The following C5orf22 variants were observed in gnomAD, a reference collection of about 807,000 sequenced individuals.
C5orf22 encodes chromosome 5 open reading frame 22.
A neutral mutation model predicts 48.7 loss-of-function variants in C5orf22; 36 were observed. That is an observed-to-expected ratio of 0.74 (90% CI 0.57 to 0.98). The LOEUF is 0.98. C5orf22 is among the 50% of genes least tolerant of loss of function. The probability of loss-of-function intolerance (pLI) is 0.00; values close to 1 mark genes in which losing one functional copy is unlikely to be tolerated. For synonymous variants in C5orf22, 141 were observed against 180.8 expected (o/e 0.78, Z 1.76); for missense variants, 486 against 521.9 (o/e 0.93, Z 0.67).
intron 8 of C5orf22, among the ~76,000 whole-genome samples, chr5:31,552,191 A>T (rs574678434): frequency 1.3e-5 from 2 of 152,282 alleles, no homozygotes; most frequent in East Asian, 3.9e-4. Context: ...CAAAATACAG[A>T]TATCTGCCCC....
intron 7 of C5orf22, among the ~76,000 whole-genome samples, chr5:31,548,299 TC>T (rs1447619170): frequency 2.7e-5 from 4 of 148,192 alleles, no homozygotes; most frequent in African/African-American, 9.9e-5. Flanking sequence ...AGACTCCATT[TC>T]AAAAAAAAAA....
rs898266491 is a variant in C5orf22, at chr5:31,553,355, A to T, written c.*453A>T. On this transcript the variant is annotated 3_prime_UTR_variant, in exon 9 of 9. Transcript: ENST00000325366. ...GCCCTTTTAGGGGAGACAGATGAGA[A>T]GTAAATTACGGGTTATGAGAAATGT... The T allele has an allele frequency of 6.5e-6, 1 of 153,898 alleles. No homozygotes were observed. Among genetic ancestry groups the T allele is most frequent in the Non-Finnish European group, 1.4e-5 (1 of 69,214 alleles). The allele number at this position is 153,898 out of a possible 1,614,324, so 9.5% of individuals were successfully genotyped here. A position where few individuals can be genotyped will look rare whatever the true frequency, so the allele number is the denominator to read the frequency against.
In C5orf22 at chr5:31,551,306, G is replaced by A; in HGVS notation, c.1073G>A (p.Gly358Asp). 1 of 1,613,450 alleles carries A rather than the reference G, an allele frequency of 6.2e-7. No individual in the cohort carries two copies. The highest frequency in any genetic ancestry group is 8.5e-7 in the Non-Finnish European group (1 of 1,179,798). ...TCTTATTTTCAGGTTCACCAGGCTGGTTTAACCTGCGATTATTCAGAACTT... is the reference window on the plus strand; with the variant it reads ...TCTTATTTTCAGGTTCACCAGGCTGATTTAACCTGCGATTATTCAGAACTT... ...VPDYEMVHQA[G>D]LTCDYSELPH... The change falls in exon 8 of 9, where the codon GGT (glycine) becomes GAT (aspartate). Residue 358 changes from glycine (G) to aspartate (D), a missense_variant. This residue lies in a region of C5orf22 where 408 missense variants were observed against 444.0 expected (regional missense o/e 0.92). Coordinates refer to ENST00000325366, the MANE Select transcript of C5orf22 (RefSeq NM_018356.3).
At chr5:31,532,496 C>G in intron 1 of C5orf22, 23 bp downstream of exon 1, 1 of 1,601,780 alleles carries the variant, frequency 6.2e-7, no homozygotes, top group South Asian at 1.1e-5. Context: ...CAACAGGGCT[C>G]TGGGGCAGAA....
At chr5:31,547,314 G>A (rs1275937214) in intron 7 of C5orf22, among the ~76,000 whole-genome samples, 1 of 152,258 alleles carries the variant, frequency 6.6e-6, no homozygotes, top group African/African-American at 2.4e-5. Flanking sequence ...TCATGAGCTG[G>A]TGTTGAGTGT....
rs1450553596 is a variant in C5orf22 at position 31,553,163 on chromosome 5, TTG to T, written c.*263_*264del. The stretch of plus-strand genomic sequence containing the variant: ...ATTTTTTAGGGTTTTGTTTTTTTTT[TTG>T]TTTGTTTGTTTGTTTGTCTTCACTT... On this transcript the variant is annotated 3_prime_UTR_variant, in exon 9 of 9. Transcript: ENST00000325366. 30 of 272,948 alleles carry T rather than the reference TTG, an allele frequency of 1.1e-4. No homozygotes were observed. Among genetic ancestry groups the T allele is most frequent in the African/African-American group, 5.3e-4 (24 of 45,146 alleles). The allele number at this position is 272,948 out of a possible 1,614,324, so 16.9% of individuals were successfully genotyped here.
At chr5:31,545,263 G>A (rs1198183900) in intron 6 of C5orf22, among the ~76,000 whole-genome samples, 1 of 151,968 alleles carries the variant, frequency 6.6e-6, no homozygotes, top group African/African-American at 2.4e-5. Context: ...TCACCACATT[G>A]GCCAGGCTGG....
Position 31,532,353 on chromosome 5 carries a change from G to A in C5orf22, c.-40G>A. On this transcript the variant is annotated 5_prime_UTR_variant, in exon 1 of 9. Transcript: ENST00000325366. ...CGCCGGCTTTCCCGGGTCTTCTCCAGCTGCCACCGCTTTACTGCAAAACTG... is the reference window on the plus strand; with the variant it reads ...CGCCGGCTTTCCCGGGTCTTCTCCAACTGCCACCGCTTTACTGCAAAACTG... The A allele has an allele frequency of 6.2e-7, 1 of 1,607,148 alleles. No individual in the cohort carries two copies. The highest frequency in any genetic ancestry group is 8.5e-7 in the Non-Finnish European group (1 of 1,173,976).
In C5orf22 at chr5:31,553,047, C is replaced by G. The variant is rs1050759798; in HGVS notation, c.*145C>G. The stretch of plus-strand genomic sequence containing the variant: ...TCAGATATTTTGAATCTCTGAACAA[C>G]CATTGTCAGTTGTGAATGATGGTAA... On this transcript the variant is annotated 3_prime_UTR_variant, in exon 9 of 9. Transcript: ENST00000325366. 2.6e-6 allele frequency: 2 copies of G among 756,818 alleles called. No individual in the cohort carries two copies. The allele number at this position is 756,818 out of a possible 1,614,324, so 46.9% of individuals were successfully genotyped here.
rs1162653794 is a variant in C5orf22 at position 31,553,349 on chromosome 5, A to G, written c.*447A>G. On this transcript the variant is annotated 3_prime_UTR_variant, in exon 9 of 9. Coordinates refer to ENST00000325366, the MANE Select transcript of C5orf22 (RefSeq NM_018356.3). ...GCCCCTGCCCTTTTAGGGGAGACAG[A>G]TGAGAAGTAAATTACGGGTTATGAG... 1 of 153,976 alleles carries G rather than the reference A, an allele frequency of 6.5e-6. No individual in the cohort carries two copies. 9.5% of individuals were successfully genotyped at this position (153,976 alleles called of 1,614,324 possible). A position where few individuals can be genotyped will look rare whatever the true frequency, so the allele number is the denominator to read the frequency against.
intron 7 of C5orf22, among the ~76,000 whole-genome samples, chr5:31,551,080 A>G (rs1743227523): frequency 6.6e-6 from 1 of 152,228 alleles, no homozygotes; most frequent in African/African-American, 2.4e-5. Context: ...TAAAAATATT[A>G]AAAATTAAAA....
At chr5:31,549,803 G>A (rs565549360) in intron 7 of C5orf22, among the ~76,000 whole-genome samples, 11 of 152,234 alleles carry the variant, frequency 7.2e-5, no homozygotes, top group Admixed American at 2.0e-4. Context: ...TTGAGCCTGG[G>A]TGGTTACAAT....
At chr5:31,549,712 C>CA (rs979457441) in intron 7 of C5orf22, among the ~76,000 whole-genome samples, 9 of 151,846 alleles carry the variant, frequency 5.9e-5, no homozygotes, top group African/African-American at 1.9e-4. Context: ...CCCATCTCTA[C>CA]AAAAAATACA....
intron 6 of C5orf22, among the ~76,000 whole-genome samples, chr5:31,544,771 C>T (rs60793280): frequency 0.061 from 9,256 of 151,914 alleles, 362 homozygotes; most frequent in East Asian, 0.15. Flanking sequence ...CCTATCTCTA[C>T]AAAAAGATTT....
At chr5:31,533,284 C>T (rs1373802030) in intron 1 of C5orf22, among the ~76,000 whole-genome samples, 1 of 151,138 alleles carries the variant, frequency 6.6e-6, no homozygotes. Context: ...AAAAATTTAA[C>T]ACGGTGCCCT....
At chr5:31,545,217 C>T (rs1313901891) in intron 6 of C5orf22, among the ~76,000 whole-genome samples, 1 of 152,024 alleles carries the variant, frequency 6.6e-6, no homozygotes, top group Admixed American at 6.6e-5. Flanking sequence ...CACCACCACA[C>T]CTGGCTAATT....
chr5:31,550,795 C>T (rs1743209728), intron 7 of C5orf22, among the ~76,000 whole-genome samples: 1 of 152,136 alleles, frequency 6.6e-6, no homozygotes, highest in Non-Finnish European at 1.5e-5. Flanking sequence ...CTCCCGACCT[C>T]AGGTGATCCG....
chr5:31,542,480 C>G (rs992272349), intron 6 of C5orf22, among the ~76,000 whole-genome samples: 7 of 88,248 alleles, frequency 7.9e-5, no homozygotes, highest in Admixed American at 2.2e-4. Context: ...AAAAAAAAAG[C>G]GAAAACTTAG....
rs1203123048 is a variant in C5orf22, at chr5:31,535,131, T to C, written c.228-613T>C. The C allele has an allele frequency of 4.9e-5, 19 of 390,726 alleles. No individual in the cohort carries two copies. The East Asian group carries it at 9.2e-4, about 19-fold the overall frequency. The allele number at this position is 390,726 out of a possible 1,614,324, so 24.2% of individuals were successfully genotyped here. ...ATATTCTTTGATAGTGCGCCAAAACTTGAAAAGTAGTAGTTTATTAAAGCT... is the reference window on the plus strand; with the variant it reads ...ATATTCTTTGATAGTGCGCCAAAACCTGAAAAGTAGTAGTTTATTAAAGCT... On this transcript the variant is annotated intron_variant, in intron 2 of 8. Transcript: ENST00000325366.
Sources: allele counts gnomAD v4.1 joint callset (sites outside exome capture counted in the v4.1 genomes callset), GRCh38; gene constraint gnomAD v4.1.1; regional missense constraint gnomAD v4.1.1; transcripts MANE v1.5; gene names NCBI Gene and HGNC (gene_info 2026-07-23, HGNC 2026-07-21).